Variants in VWA5B2 observed in about 807,000 individuals in gnomAD.
VWA5B2 encodes the protein von Willebrand factor A domain containing 5B2.
VWA5B2 carries 93 observed loss-of-function variants against 118.5 expected under a neutral mutation model. The observed-to-expected ratio is 0.79, with a 90% CI of 0.66 to 0.93. The LOEUF is 0.93. Among genes scored for constraint, VWA5B2 ranks in the 40% least tolerant of loss-of-function variants. The pLI is 0.00. For missense variants in VWA5B2, 1,546 were observed against 1,672.8 expected, an observed-to-expected ratio of 0.92 and a Z score of 1.32; for synonymous variants, 708 against 716.3, an observed-to-expected ratio of 0.99 and a Z score of 0.19.
Position 184,241,350 on chromosome 3 carries a change from T to C in VWA5B2, c.3126T>C (p.Pro1042=), listed in dbSNP as rs1397006053. 3 of 1,553,400 alleles carry C rather than the reference T, an allele frequency of 1.9e-6. No homozygotes were observed. Among genetic ancestry groups the C allele is most frequent in the Non-Finnish European group, 2.6e-6 (3 of 1,148,074 alleles). Residue 1042 remains proline (P), a synonymous_variant, in exon 19 of 20, where the codon CCT becomes CCC. Transcript: ENST00000691901. This position sits in a 1 kb window ranked among gnomAD's most constrained non-coding sequence, Gnocchi z 5.1. ...GCCGCCGTCACAAACTCTGTAGCCC[T>C]GACCCGGGCCAGGCCAACAACAGTG... is the stretch of plus-strand genomic sequence containing the variant. ...SMGRRHKLCS[P]DPGQANNSEG...
rs1718380904 is a variant in VWA5B2, at chr3:184,239,839, G to C, written c.2543G>C (p.Gly848Ala). The change falls in exon 16 of 20, where the codon GGG becomes GCG. Residue 848 changes from glycine to alanine, a missense_variant. This residue lies in a region of VWA5B2 where 763 missense variants were observed against 766.6 expected (regional missense o/e 1.00). Transcript: ENST00000691901. This position sits in a 1 kb window ranked among gnomAD's most constrained non-coding sequence, Gnocchi z 5.1. ...CATGTGGTGATCCGGGGCCTGTGTGGGGAGCAGCCCATGTGCTGGGAGGTG... is the reference window on the plus strand; with the variant it reads ...CATGTGGTGATCCGGGGCCTGTGTGCGGAGCAGCCCATGTGCTGGGAGGTG... ...RCHVVIRGLC[G>A]EQPMCWEVGV... is the part of the protein sequence containing the mutation. 6.4e-7 allele frequency: 1 copy of C among 1,551,588 alleles called. No individual in the cohort carries two copies. Among genetic ancestry groups the C allele is most frequent in the Admixed American group, 2.0e-5 (1 of 51,002 alleles).
chr3:184,233,723 C>G lies in VWA5B2; in HGVS notation c.678C>G (p.Cys226Trp). The G allele has an allele frequency of 6.4e-7, 1 of 1,550,410 alleles. No homozygotes were observed. The highest frequency in any genetic ancestry group is 1.2e-5 in the South Asian group (1 of 83,994). The change falls in exon 5 of 20, where the codon TGC becomes TGG. Residue 226 changes from cysteine to tryptophan, a missense_variant. Transcript: ENST00000691901. This position sits in a 1 kb window ranked among gnomAD's most constrained non-coding sequence, Gnocchi z 5.2. ...TCGAGATGCTGGTGACTGGGCCATGCCTGCTTGCAGGTGGGTGCATCTGGC... is the reference window on the plus strand; with the variant it reads ...TCGAGATGCTGGTGACTGGGCCATGGCTGCTTGCAGGTGGGTGCATCTGGC... ...FSFEMLVTGPCLLAGLESPSH... is the reference protein window; with the variant it reads ...FSFEMLVTGPWLLAGLESPSH...
In VWA5B2 at chr3:184,236,153, A is replaced by T. The variant is rs757359527; in HGVS notation, c.1103A>T (p.Asp368Val). 125 of 1,551,158 alleles carry T rather than the reference A, an allele frequency of 8.1e-5. No individual in the cohort carries two copies. The highest frequency in any genetic ancestry group is 1.1e-4 in the Non-Finnish European group (123 of 1,146,956). The change falls in exon 9 of 20, where the codon GAT becomes GTT. Residue 368 changes from aspartate to valine, a missense_variant and splice_region_variant. Physicochemically the swap from Asp to Val is radical, Grantham distance 152 (BLOSUM62 -3). Transcript: ENST00000691901. ...LLDSSSVAHK[D>V]AIVLAVKSLP... ...GCCGCCCTCCCTGGCCCTCCACAGG[A>T]TGCCATTGTTTTGGCTGTGAAGTCC...
At chr3:184,234,172 A>C in intron 5 of VWA5B2, 94 bp from the exon 6 acceptor site, 1 of 1,442,990 alleles carries the variant, frequency 6.9e-7, no homozygotes, top group Non-Finnish European at 9.4e-7. Flanking sequence ...AGACTCTGAG[A>C]GCTGACTGAA....
chr3:184,231,366 A>AC (rs1717384320), intron 3 of VWA5B2, among the ~76,000 whole-genome samples: 1 of 151,964 alleles, frequency 6.6e-6, no homozygotes, highest in Non-Finnish European at 1.5e-5. Flanking sequence ...TCTCCCAGCG[A>AC]CCCCATACAC....
rs1718666074 is a variant in VWA5B2, at chr3:184,241,570, C to T, written c.3261C>T (p.Leu1087=). The T allele has an allele frequency of 6.5e-7, 1 of 1,548,406 alleles. No homozygotes were observed. Among genetic ancestry groups the T allele is most frequent in the Non-Finnish European group, 8.7e-7 (1 of 1,146,744 alleles). Residue 1087 remains leucine (L), a synonymous_variant, in exon 20 of 20, where the codon CTC becomes CTT. Coordinates refer to ENST00000691901, the MANE Select transcript of VWA5B2 (RefSeq NM_001390846.1). The surrounding 1 kb of genome is among the most constrained non-coding windows in gnomAD (Gnocchi z 5.1). ...CAAVRISQER[L]CRASPFAVHR... is the part of the protein sequence containing the mutation. ...CTGTGCGCATCTCGCAGGAGCGCCT[C>T]TGCCGTGCCTCGCCCTTTGCCGTGC...
Position 184,239,527 on chromosome 3 carries a change from T to G in VWA5B2, c.2336T>G (p.Leu779Arg). The G allele has an allele frequency of 6.5e-7, 1 of 1,546,724 alleles. No homozygotes were observed. Residue 779 changes from leucine to arginine, a missense_variant, in exon 15 of 20, where the codon CTA becomes CGA. Transcript: ENST00000691901. The surrounding 1 kb of genome is among the most constrained non-coding windows in gnomAD (Gnocchi z 5.1). ...CGGAAACCCTCTTTGGGTGCAATACTAGATGGCCCAAGTCCTGAGCCAGGC... is the reference window on the plus strand; with the variant it reads ...CGGAAACCCTCTTTGGGTGCAATACGAGATGGCCCAAGTCCTGAGCCAGGC... ...RPRKPSLGAI[L>R]DGPSPEPGQQ...
intron 1 of VWA5B2, among the ~76,000 whole-genome samples, chr3:184,230,147 G>C (rs960065731): frequency 6.6e-6 from 1 of 152,076 alleles, no homozygotes; most frequent in African/African-American, 2.4e-5. Flanking sequence ...TGGCGGCCGC[G>C]GGGGGCCCCG....
rs1718811770 is a variant in VWA5B2, at chr3:184,242,256, G to A, written c.*218G>A. ...CCACTCACACTCCCCTCCATCCTCTGAGCTCCCTGCAACACAGTGGAAGGG... is the reference window on the plus strand; with the variant it reads ...CCACTCACACTCCCCTCCATCCTCTAAGCTCCCTGCAACACAGTGGAAGGG... On this transcript the variant is annotated 3_prime_UTR_variant, in exon 20 of 20. Transcript: ENST00000691901. 1.4e-6 allele frequency: 1 copy of A among 739,772 alleles called. No individual in the cohort carries two copies. 45.8% of individuals were successfully genotyped at this position (739,772 alleles called of 1,614,324 possible).
rs375478915 is a variant in VWA5B2, at chr3:184,236,109, C to A, written c.1102-43C>A. On this transcript the variant is annotated intron_variant, in intron 8 of 19. Transcript: ENST00000691901. ...TGGCTTCCCTTGCTCTGTATCAGGG[C>A]CCATGGGGCCGGCCTCACGCCGCCC... 20 of 1,505,794 alleles carry A rather than the reference C, an allele frequency of 1.3e-5. No homozygotes were observed. The East Asian group carries it at 4.9e-4, about 37-fold the overall frequency. 93.3% of individuals were successfully genotyped at this position (1,505,794 alleles called of 1,614,324 possible).
rs1444311302 is a variant in VWA5B2 at position 184,237,813 on chromosome 3, A to G, written c.1719+402A>G. Among the ~76,000 whole-genome samples the G allele has an allele frequency of 6.6e-6, 1 of 152,198 alleles. No individual in the cohort carries two copies. The highest frequency in any genetic ancestry group is 1.5e-5 in the Non-Finnish European group (1 of 68,036). ...TGATGGATGAGCATAACCTAGGCAC[A>G]ATCTCTAATCCCAGCTCTGTCACTT... On this transcript the variant is annotated intron_variant, in intron 12 of 19. Transcript: ENST00000691901. This position sits in a 1 kb window ranked among gnomAD's most constrained non-coding sequence, Gnocchi z 5.6.
At chr3:184,236,298 G>A (rs1717986569) in intron 9 of VWA5B2, 36 bp downstream of exon 9, 1 of 1,551,590 alleles carries the variant, frequency 6.4e-7, no homozygotes. Context: ...GCCTTACAGA[G>A]AGGTTTCAGC....
rs760620067 is a variant in VWA5B2 at position 184,241,130 on chromosome 3, G to T, written c.2962+23G>T. 1.3e-6 allele frequency: 2 copies of T among 1,551,708 alleles called. No homozygotes were observed. Among genetic ancestry groups the T allele is most frequent in the Non-Finnish European group, 1.7e-6 (2 of 1,146,988 alleles). On this transcript the variant is annotated intron_variant, in intron 18 of 19. Coordinates refer to ENST00000691901, the MANE Select transcript of VWA5B2 (RefSeq NM_001390846.1). The surrounding 1 kb of genome is among the most constrained non-coding windows in gnomAD (Gnocchi z 5.1). ...AAGGTAACACCCAAAGGTAGGGAAA[G>T]GGTAGGGGCACTTGGGCTTAGAGAC...
intron 8 of VWA5B2, among the ~76,000 whole-genome samples, 179 bp downstream of exon 8, chr3:184,235,487 C>A (rs540223403): frequency 1.3e-5 from 2 of 152,164 alleles, no homozygotes; most frequent in African/African-American, 4.8e-5. Context: ...CTGCTCCAAC[C>A]GCCAAACAGA....
Position 184,233,684 on chromosome 3 carries a change from A to G in VWA5B2, c.639A>G (p.Pro213=), listed in dbSNP as rs923216480. The G allele has an allele frequency of 6.4e-7, 1 of 1,551,124 alleles. No individual in the cohort carries two copies. Among genetic ancestry groups the G allele is most frequent in the Admixed American group, 2.0e-5 (1 of 50,976 alleles). Residue 213 remains proline, a synonymous_variant, in exon 5 of 20, where the codon CCA becomes CCG. Coordinates refer to ENST00000691901, the MANE Select transcript of VWA5B2 (RefSeq NM_001390846.1). This position sits in a 1 kb window ranked among gnomAD's most constrained non-coding sequence, Gnocchi z 5.2. ...CAGGCCCTGCCCGCTGCCCTGCCCC[A>G]TATACCTTCTCCTTCGAGATGCTGG... The part of the protein sequence containing the change: ...VFSGPARCPA[P]YTFSFEMLVT...
rs1171785821 is a variant in VWA5B2 at position 184,233,326 on chromosome 3, CA to C, written c.460del (p.Thr154LeufsTer69). The C allele has an allele frequency of 6.5e-7, 1 of 1,537,388 alleles. No homozygotes were observed. The highest frequency in any genetic ancestry group is 1.2e-5 in the South Asian group (1 of 81,488). On this transcript the variant is annotated frameshift_variant, in exon 4 of 20. Transcript: ENST00000691901. LOFTEE classifies it high-confidence loss of function. The surrounding 1 kb of genome is among the most constrained non-coding windows in gnomAD (Gnocchi z 5.2). Reference sequence around the variant, plus strand: ...ACGGGGTGCTGCATGTGGCCCTGCCCACTGTGCTCACCCCGCTGGCCCCGCC... The same window carrying C: ...ACGGGGTGCTGCATGTGGCCCTGCCCCTGTGCTCACCCCGCTGGCCCCGCC... ...PDGVLHVALP[T>X]VLTPLAPPGP...
At chr3:184,232,217 T>G (rs2108417704) in intron 3 of VWA5B2, among the ~76,000 whole-genome samples, 1 of 152,212 alleles carries the variant, frequency 6.6e-6, no homozygotes, top group Admixed American at 6.5e-5. Flanking sequence ...TGTTGGGTGC[T>G]TTGCATACAT....
At chr3:184,236,604 C>T (rs573315733) in intron 10 of VWA5B2, 34 bp from the exon 11 acceptor site, 2 of 1,548,546 alleles carry the variant, frequency 1.3e-6, no homozygotes, top group South Asian at 2.4e-5. Context: ...CAAGGGGCTC[C>T]TGAAGATCAC....
intron 7 of VWA5B2, 102 bp downstream of exon 7, chr3:184,234,857 TTTCTC>T: frequency 6.7e-7 from 1 of 1,486,348 alleles, no homozygotes; most frequent in Non-Finnish European, 9.0e-7. Flanking sequence ...GGAGGCCTCT[TTTCTC>T]GGTAAGATCT....
Sources: gnomAD v4.1 joint callset for allele counts (sites outside exome capture counted in the v4.1 genomes callset) on GRCh38, gnomAD v4.1.1 for gene constraint, gnomAD v4.1.1 regional missense constraint, Gnocchi (gnomAD v3.1) non-coding constraint, MANE v1.5 for transcripts, NCBI Gene and HGNC (gene_info 2026-07-23, HGNC 2026-07-21) for gene names.